The following PLA2G4D variants were observed in gnomAD, a reference collection of about 807,000 sequenced individuals.
The protein encoded by PLA2G4D is phospholipase A2 group IVD.
In PLA2G4D, 80 loss-of-function variants were observed where a neutral mutation model predicts 94.4. The ratio of observed to expected loss-of-function variants is 0.85; its 90% confidence interval spans 0.71 to 1.02. The LOEUF is 1.02. Ranked by LOEUF, PLA2G4D falls within the 50% of genes least tolerant of loss-of-function variation. The probability of loss-of-function intolerance (pLI) is 0.00; values close to 1 mark genes in which losing one functional copy is unlikely to be tolerated. For synonymous variants in PLA2G4D, 438 were observed against 440.9 expected (o/e 0.99, Z 0.08); for missense variants, 1,050 against 1,034.7 (o/e 1.01, Z -0.20).
At chr15:42,079,822 T>C in intron 12 of PLA2G4D, 63 bp from the exon 13 acceptor site, 1 of 1,503,112 alleles carries the variant, frequency 6.7e-7, no homozygotes, top group African/African-American at 1.4e-5. Context: ...CTGCAACTCC[T>C]GCTTCCCACT....
intron 13 of PLA2G4D, among the ~76,000 whole-genome samples, chr15:42,074,056 G>A (rs1230172992): frequency 6.6e-6 from 1 of 152,152 alleles, no homozygotes; most frequent in African/African-American, 2.4e-5. Context: ...ATGTGTGTAC[G>A]TGACCCCTTC....
chr15:42,072,455 C>T (rs1889845903), intron 13 of PLA2G4D, 63 bp from the exon 14 acceptor site: 1 of 1,300,708 alleles, frequency 7.7e-7, no homozygotes, highest in Non-Finnish European at 1.1e-6. Flanking sequence ...AGTGGCTCCG[C>T]CAGGACAGGG....
At position 42,070,050 on chromosome 15, in the gene PLA2G4D, A is replaced by G. The variant is rs1374763201; in HGVS notation, c.2089T>C (p.Phe697Leu). 1 of 1,520,276 alleles carries G rather than the reference A, an allele frequency of 6.6e-7. No homozygotes were observed. The highest frequency in any genetic ancestry group is 8.8e-7 in the Non-Finnish European group (1 of 1,134,236). The allele number at this position is 1,520,276 out of a possible 1,614,324, so 94.2% of individuals were successfully genotyped here. A position where few individuals can be genotyped will look rare whatever the true frequency, so the allele number is the denominator to read the frequency against. Residue 697 changes from phenylalanine (F) to leucine (L), a missense_variant, in exon 19 of 20, where the codon TTC (phenylalanine) becomes CTC (leucine). Phe to Leu is a conservative substitution (Grantham distance 22, BLOSUM62 0). Transcript: ENST00000290472. The part of the protein sequence containing the change: ...ELYCRARGLP[F>L]PRVEPSPQDQ... ...TGAGGGCTGGGTTCCACCCGGGGGA[A>G]GGGCAGCCCCCGGGCCCGGCAGTAC...
At position 42,083,994 on chromosome 15, in the gene PLA2G4D, C is replaced by G; in HGVS notation, c.472-215G>C. On this transcript the variant is annotated intron_variant, in intron 6 of 19. Coordinates refer to ENST00000290472, the MANE Select transcript of PLA2G4D (RefSeq NM_178034.4). The stretch of plus-strand genomic sequence containing the variant: ...CGCAGCAGCCAGGAGGGCCCTGGCT[C>G]CACACCTCCCCTCCAGCTCCCCTGG... 3.5e-6 allele frequency: 2 copies of G among 564,072 alleles called. 1 individual carries two copies. Among genetic ancestry groups the G allele is most frequent in the Non-Finnish European group, 6.4e-6 (2 of 314,194 alleles). The allele number at this position is 564,072 out of a possible 1,614,324, so 34.9% of individuals were successfully genotyped here.
At chr15:42,081,384 C>G in intron 11 of PLA2G4D, 95 bp downstream of exon 11, 1 of 1,537,736 alleles carries the variant, frequency 6.5e-7, no homozygotes, top group Non-Finnish European at 8.8e-7. Context: ...TGCCCACTCT[C>G]CACTGACTGG....
chr15:42,068,797 C>A lies in PLA2G4D; in HGVS notation c.2375G>T (p.Ser792Ile). The A allele has an allele frequency of 6.2e-7, 1 of 1,613,604 alleles. No homozygotes were observed. Among genetic ancestry groups the A allele is most frequent in the Non-Finnish European group, 8.5e-7 (1 of 1,179,786 alleles). The stretch of plus-strand genomic sequence containing the variant: ...CAGGGCCTGCAGGATGGCACCCTGG[C>A]TGGTCTGCACGTTGTAGTCACTGAG... ...LRLSDYNVQTSQGAILQALRT... is the reference protein window; with the variant it reads ...LRLSDYNVQTIQGAILQALRT... Residue 792 changes from serine to isoleucine, a missense_variant, in exon 20 of 20, where the codon AGC (serine) becomes ATC (isoleucine). Ser to Ile is a moderately radical substitution (Grantham distance 142, BLOSUM62 -2). Transcript: ENST00000290472.
intron 8 of PLA2G4D, 149 bp downstream of exon 8, chr15:42,083,049 G>A: frequency 1.9e-6 from 2 of 1,062,832 alleles, no homozygotes; most frequent in Non-Finnish European, 2.7e-6. Context: ...GGTCCTCTGT[G>A]TCTGCCAAGA....
At chr15:42,088,263 G>A (rs1890189499) in intron 1 of PLA2G4D, among the ~76,000 whole-genome samples, 1 of 152,228 alleles carries the variant, frequency 6.6e-6, no homozygotes, top group Non-Finnish European at 1.5e-5. Flanking sequence ...AGAGCATCCA[G>A]CCATCACAGG....
chr15:42,086,194 T>TCCA lies in PLA2G4D; in HGVS notation c.387+18_387+19insTGG. 19 of 1,370,442 alleles carry TCCA rather than the reference T, an allele frequency of 1.4e-5. No individual in the cohort carries two copies. The highest frequency in any genetic ancestry group is 4.5e-5 in the South Asian group (3 of 66,866). 84.9% of individuals were successfully genotyped at this position (1,370,442 alleles called of 1,614,324 possible). A position where few individuals can be genotyped will look rare whatever the true frequency, so the allele number is the denominator to read the frequency against. On this transcript the variant is annotated intron_variant, in intron 4 of 19. Transcript: ENST00000290472. ...GGAAGAAGTGGGGCCCACGGGGACT[T>TCCA]CCCCACCCACCCACCCACCTGGGGA...
At chr15:42,094,386 G>C (rs755120609) in intron 1 of PLA2G4D, 29 bp downstream of exon 1, 1 of 1,613,470 alleles carries the variant, frequency 6.2e-7, no homozygotes, top group Admixed American at 1.7e-5. Flanking sequence ...GCCCTGACTG[G>C]TGCCCACATG....
chr15:42,085,418 G>T, intron 5 of PLA2G4D, 73 bp downstream of exon 5: 3 of 1,519,800 alleles, frequency 2.0e-6, no homozygotes, highest in Non-Finnish European at 2.7e-6. Flanking sequence ...TGACCACAGG[G>T]AGATCTGGGT....
At position 42,070,284 on chromosome 15, in the gene PLA2G4D, T is replaced by C. The variant is rs1003015963; in HGVS notation, c.2044-189A>G. ...GTCCAAGGACTCTGGTGGTCTGCAA[T>C]GTTGTTTGGTTAAAAGCTCTAGGTG... is the stretch of plus-strand genomic sequence containing the variant. On this transcript the variant is annotated intron_variant, in intron 18 of 19. Transcript: ENST00000290472. The C allele has an allele frequency of 8.6e-6, 5 of 582,054 alleles. No homozygotes were observed. The African/African-American group carries it at 9.8e-5, about 11-fold the overall frequency. 36.1% of individuals were successfully genotyped at this position (582,054 alleles called of 1,614,324 possible). A position where few individuals can be genotyped will look rare whatever the true frequency, so the allele number is the denominator to read the frequency against.
rs1890190316 is a variant in PLA2G4D at position 42,088,298 on chromosome 15, G to A, written c.46-598C>T. On this transcript the variant is annotated intron_variant, in intron 1 of 19. Transcript: ENST00000290472. ...GGAGCAGTGGGTGCTGTGGGTGAAA[G>A]GCCACTGTGTATTAAGATGCTGATG... Among the ~76,000 whole-genome samples the A allele has an allele frequency of 1.3e-5, 2 of 152,226 alleles. 1 individual carries two copies. The highest frequency in any genetic ancestry group is 1.3e-4 in the Admixed American group (2 of 15,288).
chr15:42,083,481 C>A (rs923697006), intron 7 of PLA2G4D, 147 bp from the exon 8 acceptor site: 2 of 1,277,174 alleles, frequency 1.6e-6, no homozygotes, highest in Non-Finnish European at 2.1e-6. Flanking sequence ...CCCTTCCCAG[C>A]CCAAGGGGCC....
Position 42,072,291 on chromosome 15 carries a change from C to T in PLA2G4D, c.1419G>A (p.Glu473=), listed in dbSNP as rs1889841358. 2 of 1,613,846 alleles carry T rather than the reference C, an allele frequency of 1.2e-6. No homozygotes were observed. The highest frequency in any genetic ancestry group is 4.5e-5 in the East Asian group (2 of 44,886). Residue 473 remains glutamate (E), a synonymous_variant, in exon 14 of 20, where the codon GAG becomes GAA. Coordinates refer to ENST00000290472, the MANE Select transcript of PLA2G4D (RefSeq NM_178034.4). ...LSLNVKENNL[E]TLDFKEWVEF... is the part of the protein sequence containing the mutation. ...GAACTGTACCCTTGAAGTCCAGTGTCTCCAGATTGTTCTCTTTGACATTGA... is the reference window on the plus strand; with the variant it reads ...GAACTGTACCCTTGAAGTCCAGTGTTTCCAGATTGTTCTCTTTGACATTGA...
rs751743855 is a variant in PLA2G4D, at chr15:42,086,341, C to T, written c.259G>A (p.Val87Ile). Residue 87 changes from valine (V) to isoleucine (I), a missense_variant, in exon 4 of 20, where the codon GTT (valine) becomes ATT (isoleucine). Transcript: ENST00000290472. ...TCATCATAGATGCTAAGCTCCAGAA[C>T]ATTCTAGGAACCAGGAACAGCGACT... ...RFLIQSQVKNVLELSIYDEDS... is the reference protein window; with the variant it reads ...RFLIQSQVKNILELSIYDEDS... 3.7e-6 allele frequency: 6 copies of T among 1,613,658 alleles called. No individual in the cohort carries two copies. The South Asian group carries it at 6.6e-5, about 18-fold the overall frequency.
chr15:42,084,839 G>A lies in PLA2G4D; in HGVS notation c.471+257C>T, dbSNP rs991192729. On this transcript the variant is annotated intron_variant, in intron 6 of 19. Coordinates refer to ENST00000290472, the MANE Select transcript of PLA2G4D (RefSeq NM_178034.4). This position sits in a 1 kb window ranked among gnomAD's most constrained non-coding sequence, Gnocchi z 4.8. ...CACCGCAGGTGACTAAACACCTTCC[G>A]GAAGCACCCCGAACAGCCGTGGGCC... 3.9e-5 allele frequency among the ~76,000 whole-genome samples: 6 copies of A among 152,136 alleles called. No homozygotes were observed. The highest frequency in any genetic ancestry group is 9.7e-5 in the African/African-American group (4 of 41,436).
intron 4 of PLA2G4D, among the ~76,000 whole-genome samples, chr15:42,085,736 G>A (rs1403770885): frequency 6.6e-6 from 1 of 152,268 alleles, no homozygotes; most frequent in African/African-American, 2.4e-5. Flanking sequence ...TAGTAAGTCT[G>A]CAGAGAACAG....
Position 42,072,502 on chromosome 15 carries a change from C to G in PLA2G4D, c.1318-110G>C, listed in dbSNP as rs1055509924. On this transcript the variant is annotated intron_variant, in intron 13 of 19. Coordinates refer to ENST00000290472, the MANE Select transcript of PLA2G4D (RefSeq NM_178034.4). ...GACCTGGCTGGGGGTGAGGAGGCAG[C>G]TCCTCCCGTGGGGTCTGGGGACCAT... The G allele has an allele frequency of 3.7e-6, 3 of 820,378 alleles. No individual in the cohort carries two copies. The African/African-American group carries it at 5.1e-5, about 14-fold the overall frequency. 50.8% of individuals were successfully genotyped at this position (820,378 alleles called of 1,614,324 possible). A position where few individuals can be genotyped will look rare whatever the true frequency, so the allele number is the denominator to read the frequency against.
Sources: gnomAD v4.1 joint callset for allele counts (sites outside exome capture counted in the v4.1 genomes callset) on GRCh38, gnomAD v4.1.1 for gene constraint, Gnocchi (gnomAD v3.1) non-coding constraint, MANE v1.5 for transcripts, NCBI Gene and HGNC (gene_info 2026-07-23, HGNC 2026-07-21) for gene names.